The following HCN2 variants were observed in gnomAD, a reference collection of about 807,000 sequenced individuals.
The protein encoded by HCN2 is hyperpolarization activated cyclic nucleotide gated potassium and sodium channel 2.
HCN2 carries 20 observed loss-of-function variants against 52.3 expected under a neutral mutation model. The observed-to-expected ratio is 0.38, with a 90% CI of 0.27 to 0.56. HCN2 has a LOEUF of 0.56. HCN2 is among the 20% of genes least tolerant of loss of function. The pLI is 0.71. For synonymous variants in HCN2, 694 were observed against 537.0 expected, an observed-to-expected ratio of 1.29 and a Z score of -4.04; for missense variants, 981 against 1,207.7, an observed-to-expected ratio of 0.81 and a Z score of 2.78.
intron 5 of HCN2, among the ~76,000 whole-genome samples, chr19:611,611 G>A (rs549694996): frequency 6.4e-4 from 98 of 152,292 alleles, no homozygotes; most frequent in Middle Eastern, 3.4e-3. Context: ...TGATGACTAC[G>A]GTTTCCATTC....
At chr19:593,654 T>C (rs1982939341) in intron 1 of HCN2, among the ~76,000 whole-genome samples, 1 of 151,846 alleles carries the variant, frequency 6.6e-6, no homozygotes, top group African/African-American at 2.4e-5. Context: ...GTGCAGTTGG[T>C]CTATTGCTGA....
Position 599,595 on chromosome 19 carries a change from T to C in HCN2, c.633-3949T>C, listed in dbSNP as rs377147740. Among the ~76,000 whole-genome samples the C allele has an allele frequency of 1.2e-3, 174 of 148,796 alleles. 1 individual carries two copies. Among genetic ancestry groups the C allele is most frequent in the Admixed American group, 2.9e-3 (43 of 14,856 alleles). ...GAGTTCGAGACCATCCTGGCTAACA[T>C]GGTGAAACCCCGTCTCTACTAAAAA... is the stretch of plus-strand genomic sequence containing the variant. On this transcript the variant is annotated intron_variant, in intron 1 of 7. Coordinates refer to ENST00000251287, the MANE Select transcript of HCN2 (RefSeq NM_001194.4).
At chr19:615,700 ACT>A in intron 7 of HCN2, 93 bp from the exon 8 acceptor site, 2 of 1,204,492 alleles carry the variant, frequency 1.7e-6, no homozygotes, top group Non-Finnish European at 2.4e-6. Context: ...CACGGCAAGC[ACT>A]GTGTGCGCAC....
At chr19:615,650 C>T (rs1304857407) in intron 7 of HCN2, 145 bp from the exon 8 acceptor site, 18 of 717,174 alleles carry the variant, frequency 2.5e-5, no homozygotes, top group East Asian at 5.6e-5. Flanking sequence ...TACATATGTG[C>T]TTATTGTATA....
chr19:607,095 C>G (rs2144521683), intron 3 of HCN2, among the ~76,000 whole-genome samples: 1 of 152,342 alleles, frequency 6.6e-6, no homozygotes, highest in Non-Finnish European at 1.5e-5. Context: ...TCGCTTGAAC[C>G]CGGGAGCGGA....
At chr19:610,116 C>T (rs1472083943) in intron 4 of HCN2, 143 bp from the exon 5 acceptor site, 10 of 964,976 alleles carry the variant, frequency 1.0e-5, no homozygotes, top group Non-Finnish European at 3.2e-6. Flanking sequence ...GGCTGTCTGA[C>T]CCACAAGCAG....
chr19:603,775 C>T lies in HCN2; in HGVS notation c.864C>T (p.Arg288=). The part of the protein sequence containing the change: ...DPEKIKKKYL[R]TWFVVDFVSS... Reference sequence around the variant, plus strand: ...AGAAGATCAAGAAGAAGTATCTGCGCACGTGGTTCGTGGTGGACTTCGTGT... The same window carrying T: ...AGAAGATCAAGAAGAAGTATCTGCGTACGTGGTTCGTGGTGGACTTCGTGT... Residue 288 remains arginine (R), a synonymous_variant, in exon 2 of 8, where the codon CGC becomes CGT. Coordinates refer to ENST00000251287, the MANE Select transcript of HCN2 (RefSeq NM_001194.4). 2 of 1,612,906 alleles carry T rather than the reference C, an allele frequency of 1.2e-6. No homozygotes were observed. Among genetic ancestry groups the T allele is most frequent in the Middle Eastern group, 1.7e-4 (1 of 6,056 alleles).
At chr19:598,454 G>A (rs756244613) in intron 1 of HCN2, among the ~76,000 whole-genome samples, 8 of 150,886 alleles carry the variant, frequency 5.3e-5, no homozygotes, top group East Asian at 3.9e-4. Context: ...CCACAGGTGC[G>A]CACCACCACG....
intron 5 of HCN2, among the ~76,000 whole-genome samples, chr19:610,661 C>T (rs1057138510): frequency 1.3e-5 from 2 of 152,166 alleles, no homozygotes; most frequent in African/African-American, 2.4e-5. Flanking sequence ...CAGGGCGGGG[C>T]AGAAGCAGGG....
At chr19:598,670 C>T (rs1198462488) in intron 1 of HCN2, among the ~76,000 whole-genome samples, 6 of 152,110 alleles carry the variant, frequency 3.9e-5, no homozygotes, top group Admixed American at 2.6e-4. Flanking sequence ...GGCGCGATCT[C>T]GGCTCACTGC....
intron 1 of HCN2, among the ~76,000 whole-genome samples, chr19:594,986 AG>A (rs1447982096): frequency 6.6e-6 from 1 of 152,072 alleles, no homozygotes; most frequent in East Asian, 1.9e-4. Flanking sequence ...GGATCGCTTG[AG>A]CCCAGGAGTT....
At chr19:595,650 C>T (rs1983005884) in intron 1 of HCN2, among the ~76,000 whole-genome samples, 1 of 152,226 alleles carries the variant, frequency 6.6e-6, no homozygotes, top group Non-Finnish European at 1.5e-5. Context: ...GGGGCTGGGC[C>T]TGTGTGGTCA....
Position 605,046 on chromosome 19 carries a change from G to A in HCN2, c.1057-15G>A, listed in dbSNP as rs373089134. ...GGGTCAGCGGGTAGGGTGGGCTCAC[G>A]GCGCCTTCCTGCAGATCTTCCACAT... On this transcript the variant is annotated splice_polypyrimidine_tract_variant and intron_variant, in intron 2 of 7. Coordinates refer to ENST00000251287, the MANE Select transcript of HCN2 (RefSeq NM_001194.4). 3.9e-5 allele frequency: 63 copies of A among 1,604,052 alleles called. 1 individual carries two copies. The South Asian group carries it at 5.7e-4, about 15-fold the overall frequency.
intron 1 of HCN2, among the ~76,000 whole-genome samples, chr19:600,680 CA>C (rs1380442450): frequency 1.3e-5 from 2 of 152,116 alleles, no homozygotes; most frequent in Admixed American, 6.5e-5. Flanking sequence ...GGGGTTTCAC[CA>C]TATTGGCCAG....
At position 592,384 on chromosome 19, in the gene HCN2, T is replaced by C. The variant is rs1982900071; in HGVS notation, c.632+1807T>C. On this transcript the variant is annotated intron_variant, in intron 1 of 7. Coordinates refer to ENST00000251287, the MANE Select transcript of HCN2 (RefSeq NM_001194.4). The surrounding 1 kb of genome is among the most constrained non-coding windows in gnomAD (Gnocchi z 4.8). The stretch of plus-strand genomic sequence containing the variant: ...GTGGCCTGGGGGGCAGGTGGGCAGA[T>C]GGCTGATCCCGGGGCTTGGGGGGAA... Among the ~76,000 whole-genome samples the C allele has an allele frequency of 6.6e-6, 1 of 152,106 alleles. No individual in the cohort carries two copies. The highest frequency in any genetic ancestry group is 1.5e-5 in the Non-Finnish European group (1 of 67,994).
chr19:590,788 G>C lies in HCN2; in HGVS notation c.632+211G>C, dbSNP rs1235580083. On this transcript the variant is annotated intron_variant, in intron 1 of 7. Transcript: ENST00000251287. The surrounding 1 kb of genome is among the most constrained non-coding windows in gnomAD (Gnocchi z 7.2). Reference sequence around the variant, plus strand: ...CTGGGGGGGCTCCCCGGGTGACCGCGGAGCGCCCCCCTCCCACGCACCCCG... The same window carrying C: ...CTGGGGGGGCTCCCCGGGTGACCGCCGAGCGCCCCCCTCCCACGCACCCCG... 6.6e-6 allele frequency: 2 copies of C among 304,348 alleles called. No homozygotes were observed. Among genetic ancestry groups the C allele is most frequent in the Non-Finnish European group, 1.2e-5 (2 of 167,308 alleles). 18.9% of individuals were successfully genotyped at this position (304,348 alleles called of 1,614,324 possible).
intron 1 of HCN2, among the ~76,000 whole-genome samples, chr19:595,626 C>T (rs564021871): frequency 6.6e-6 from 1 of 152,344 alleles, no homozygotes; most frequent in East Asian, 1.9e-4. Context: ...AGGCCCATCC[C>T]ATGTGTCTGT....
At chr19:600,658 T>G (rs1019339660) in intron 1 of HCN2, among the ~76,000 whole-genome samples, 6 of 152,142 alleles carry the variant, frequency 3.9e-5, no homozygotes, top group Non-Finnish European at 8.8e-5. Context: ...TTTCTGTATT[T>G]TTAGTAGAGA....
chr19:614,299 C>G (rs372448521), intron 7 of HCN2, among the ~76,000 whole-genome samples: 1 of 152,148 alleles, frequency 6.6e-6, no homozygotes, highest in Non-Finnish European at 1.5e-5. Context: ...GCCTGTTTCC[C>G]AAGGGAGGGA....
Sources: allele counts gnomAD v4.1 joint callset (sites outside exome capture counted in the v4.1 genomes callset), GRCh38; gene constraint gnomAD v4.1.1; non-coding constraint Gnocchi (gnomAD v3.1); transcripts MANE v1.5; gene names NCBI Gene and HGNC (gene_info 2026-07-23, HGNC 2026-07-21).